The following GLMN variants were observed in gnomAD, a reference collection of about 807,000 sequenced individuals.
GLMN encodes the protein glomulin.
A neutral mutation model predicts 87.8 loss-of-function variants in GLMN; 75 were observed. That is an observed-to-expected ratio of 0.85 (90% CI 0.71 to 1.04). The LOEUF is 1.04. GLMN is among the 50% of genes least tolerant of loss of function. The pLI, the probability that GLMN is intolerant of heterozygous loss-of-function variation, is 0.00. For missense variants in GLMN, 588 were observed against 658.8 expected (o/e 0.89, Z 1.18); for synonymous variants, 206 against 221.6 (o/e 0.93, Z 0.63).
chr1:92,366,533 CT>C, the GLMN span, among the ~76,000 whole-genome samples: 1 of 152,090 alleles, frequency 6.6e-6, no homozygotes, highest in Non-Finnish European at 1.5e-5. Context: ...TATTGTGTTA[CT>C]TTGGGGAGGA....
chr1:92,338,253 G>A, the GLMN span, among the ~76,000 whole-genome samples: 1 of 152,136 alleles, frequency 6.6e-6, no homozygotes, highest in South Asian at 2.1e-4. Context: ...CTCATTAGGT[G>A]TCATGAAAAC....
the GLMN span, among the ~76,000 whole-genome samples, chr1:92,360,426 T>C: frequency 2.6e-5 from 4 of 152,164 alleles, no homozygotes; most frequent in Non-Finnish European, 5.9e-5. Flanking sequence ...TCTTTTCTTA[T>C]GGTTGGCAAA....
chr1:92,345,455 CAGAG>C, the GLMN span, among the ~76,000 whole-genome samples: 1 of 78,176 alleles, frequency 1.3e-5, no homozygotes, highest in Non-Finnish European at 2.5e-5. Context: ...GAGGGAGGGA[CAGAG>C]GGAGGGAGGG....
rs551477763 is a variant in GLMN at position 92,261,703 on chromosome 1, T to G, written c.1473+1160A>C. Among the ~76,000 whole-genome samples the G allele has an allele frequency of 2.6e-5, 4 of 152,238 alleles. No individual in the cohort carries two copies. The East Asian group carries it at 7.7e-4, about 29-fold the overall frequency. ...GAACATTTCATTATGTAAATTTTAC[T>G]TCAAAGAAAAACTACAGACAAATAT... On this transcript the variant is annotated intron_variant, in intron 16 of 18. Coordinates refer to ENST00000370360, the MANE Select transcript of GLMN (RefSeq NM_053274.3).
chr1:92,324,233 G>C, the GLMN span: 1 of 1,614,056 alleles, frequency 6.2e-7, no homozygotes, highest in Middle Eastern at 1.6e-4. Context: ...CCTTTTAGGG[G>C]CTCAGGTACA....
the GLMN span, among the ~76,000 whole-genome samples, chr1:92,356,865 C>T: frequency 6.6e-6 from 1 of 151,770 alleles, no homozygotes; most frequent in Non-Finnish European, 1.5e-5. Flanking sequence ...GAGTTCAAGA[C>T]CAACCTGGCC....
At position 92,256,131 on chromosome 1, in the gene GLMN, A is replaced by C. The variant is rs181167135; in HGVS notation, c.1473+6732T>G. Among the ~76,000 whole-genome samples, 315 of 152,326 alleles carry C rather than the reference A, an allele frequency of 2.1e-3. 3 individuals are homozygous for C. Among genetic ancestry groups the C allele is most frequent in the Middle Eastern group, 6.8e-3 (2 of 294 alleles). ...AGAATACTATAAACACCTCTATGCA[A>C]ATTAACTAGAAAATCTAGAAAAAAA... On this transcript the variant is annotated intron_variant, in intron 16 of 18. Transcript: ENST00000370360.
At chr1:92,269,138 G>C (rs542928081) in intron 9 of GLMN, among the ~76,000 whole-genome samples, 243 of 150,872 alleles carry the variant, frequency 1.6e-3, no homozygotes, top group Non-Finnish European at 3.1e-3. Context: ...CTGGGGTCAA[G>C]CAATCCTCTC....
At chr1:92,285,822 A>T (rs1234628129) in intron 7 of GLMN, among the ~76,000 whole-genome samples, 2 of 152,190 alleles carry the variant, frequency 1.3e-5, no homozygotes, top group African/African-American at 2.4e-5. Context: ...CTTAAAATAA[A>T]TTTTTTAATA....
In GLMN at chr1:92,246,465, G is replaced by T; in HGVS notation, c.*65C>A. On this transcript the variant is annotated 3_prime_UTR_variant, in exon 19 of 19. Coordinates refer to ENST00000370360, the MANE Select transcript of GLMN (RefSeq NM_053274.3). ...TTTTTACAGAAAAATTTTTTATAAA[G>T]GTATTAAATGAATCATAATGGAAAG... 3 of 750,862 alleles carry T rather than the reference G, an allele frequency of 4.0e-6. No individual in the cohort carries two copies. The highest frequency in any genetic ancestry group is 7.0e-6 in the Non-Finnish European group (3 of 431,074). The allele number at this position is 750,862 out of a possible 1,614,324, so 46.5% of individuals were successfully genotyped here. A position where few individuals can be genotyped will look rare whatever the true frequency, so the allele number is the denominator to read the frequency against.
intron 3 of GLMN, among the ~76,000 whole-genome samples, chr1:92,293,266 C>A (rs998152947): frequency 6.6e-6 from 1 of 151,956 alleles, no homozygotes; most frequent in Non-Finnish European, 1.5e-5. Context: ...ATCATCTCAC[C>A]CCAGTTAAAA....
At chr1:92,251,830 C>T (rs148858633) in intron 16 of GLMN, among the ~76,000 whole-genome samples, 1,923 of 146,312 alleles carry the variant, frequency 0.013, 21 homozygotes, top group Non-Finnish European at 0.02. Flanking sequence ...TCTTCTTGCT[C>T]TGTTGCCCAG....
At chr1:92,271,073 T>G (rs142350332) in intron 8 of GLMN, among the ~76,000 whole-genome samples, 58 of 152,298 alleles carry the variant, frequency 3.8e-4, no homozygotes, top group African/African-American at 1.3e-3. Context: ...CTTTCTGGTA[T>G]GTTGAGAATG....
chr1:92,284,749 T>TTA (rs1399895342), intron 7 of GLMN, among the ~76,000 whole-genome samples: 1 of 151,720 alleles, frequency 6.6e-6, no homozygotes, highest in Non-Finnish European at 1.5e-5. Context: ...ATCCAGAATC[T>TTA]ACAAAGAACT....
chr1:92,310,443 A>T, the GLMN span, among the ~76,000 whole-genome samples: 1 of 152,200 alleles, frequency 6.6e-6, no homozygotes, highest in Admixed American at 6.5e-5. Flanking sequence ...GGGATACAAT[A>T]TCCTGAGTCA....
At chr1:92,298,810 G>C in intron 1 of GLMN, 115 bp downstream of exon 1, 1 of 371,680 alleles carries the variant, frequency 2.7e-6, no homozygotes. Context: ...GCTCGCCTAG[G>C]TGGGCAGGCT....
chr1:92,345,041 GT>G, the GLMN span, among the ~76,000 whole-genome samples: 1 of 151,804 alleles, frequency 6.6e-6, no homozygotes, highest in East Asian at 1.9e-4. Flanking sequence ...ATTTACTTCT[GT>G]TTTTTTAAAA....
upstream of GLMN, chr1:92,301,424 A>T: frequency 1.1e-6 from 1 of 907,742 alleles, no homozygotes; most frequent in Non-Finnish European, 1.7e-6. Context: ...TAAAACATGG[A>T]ATGTTGGACA....
chr1:92,301,910 T>G (rs1004979940), upstream of GLMN, among the ~76,000 whole-genome samples: 1 of 152,172 alleles, frequency 6.6e-6, no homozygotes, highest in African/African-American at 2.4e-5. Context: ...ATATGTTAAT[T>G]AGCCTGATTT....
Sources: gnomAD v4.1 joint callset for allele counts (sites outside exome capture counted in the v4.1 genomes callset) on GRCh38, gnomAD v4.1.1 for gene constraint, MANE v1.5 for transcripts, NCBI Gene and HGNC (gene_info 2026-07-23, HGNC 2026-07-21) for gene names.